Variants in DCAF8L2 observed in about 807,000 individuals in gnomAD.
The protein encoded by DCAF8L2 is DDB1- and CUL4-associated factor 8-like protein 2.
For synonymous variants in DCAF8L2, 200 were observed against 190.9 expected, an observed-to-expected ratio of 1.05 and a Z score of -0.39; for missense variants, 430 against 490.7, an observed-to-expected ratio of 0.88 and a Z score of 1.17.
intron 3 of DCAF8L2, among the ~76,000 whole-genome samples, chrX:27,692,168 G>A (rs1357613371): frequency 8.9e-6 from 1 of 111,827 alleles, no homozygotes; most frequent in Admixed American, 9.5e-5. Flanking sequence ...TTCACTTTAT[G>A]TGTATGAACC....
chrX:27,616,052 C>A (rs1243226802), intron 1 of DCAF8L2, among the ~76,000 whole-genome samples: 1 of 110,806 alleles, frequency 9.0e-6, no homozygotes, highest in African/African-American at 3.3e-5. Context: ...TTTTGTGAAA[C>A]TAAACTGAAT....
rs1158279862 is a variant in DCAF8L2 at position 27,749,272 on chromosome X, T to G, written c.*481T>G. Among the ~76,000 whole-genome samples the G allele has an allele frequency of 8.9e-6, 1 of 111,921 alleles. No homozygotes were observed. Among genetic ancestry groups the G allele is most frequent in the Admixed American group, 9.6e-5 (1 of 10,440 alleles). ...AGAAATGTGTTTCTTCTTTAGAAAA[T>G]AAGACAAACTACAGTTTTGTTCTGT... On this transcript the variant is annotated 3_prime_UTR_variant, in exon 5 of 5. Coordinates refer to ENST00000451261, the MANE Select transcript of DCAF8L2 (RefSeq NM_001353450.2).
At chrX:27,691,181 T>G (rs1046904945) in intron 3 of DCAF8L2, among the ~76,000 whole-genome samples, 370 of 111,800 alleles carry the variant, frequency 3.3e-3, no homozygotes, top group African/African-American at 0.011. Context: ...AGCAATTCAT[T>G]AACATGTGAA....
At chrX:27,471,707 C>T in the DCAF8L2 span, among the ~76,000 whole-genome samples, 72 of 111,441 alleles carry the variant, frequency 6.5e-4, no homozygotes, top group African/African-American at 2.2e-3. Context: ...TCTAGAATTA[C>T]CACATTTAGT....
the DCAF8L2 span, among the ~76,000 whole-genome samples, chrX:27,502,335 A>AAATATAT: frequency 3.1e-4 from 4 of 12,712 alleles, no homozygotes; most frequent in Non-Finnish European, 6.0e-4. Flanking sequence ...AAAAAAAAAA[A>AAATATAT]ATATATATAT....
At chrX:27,480,173 G>A in the DCAF8L2 span, among the ~76,000 whole-genome samples, 4 of 112,269 alleles carry the variant, frequency 3.6e-5, no homozygotes, top group South Asian at 1.5e-3. Context: ...CACATTTATT[G>A]AGGACCATGC....
chrX:27,540,947 G>A, the DCAF8L2 span, among the ~76,000 whole-genome samples: 1 of 111,792 alleles, frequency 8.9e-6, no homozygotes, highest in Non-Finnish European at 1.9e-5. Context: ...GAATATCCAG[G>A]ACTATGGTGA....
chrX:27,664,718 T>C (rs1041739189), intron 2 of DCAF8L2, among the ~76,000 whole-genome samples: 1 of 111,742 alleles, frequency 8.9e-6, no homozygotes, highest in African/African-American at 3.3e-5. Context: ...GCTAAGGCAG[T>C]TGGTGACTTT....
chrX:27,495,430 A>G, the DCAF8L2 span, among the ~76,000 whole-genome samples: 3 of 111,574 alleles, frequency 2.7e-5, no homozygotes, highest in Non-Finnish European at 3.8e-5. Flanking sequence ...CAGCTCTTCC[A>G]TTTCTCTGAA....
the DCAF8L2 span, among the ~76,000 whole-genome samples, chrX:27,486,229 C>T: frequency 9.1e-6 from 1 of 109,601 alleles, no homozygotes; most frequent in Non-Finnish European, 1.9e-5. Flanking sequence ...TGGTCTCAAA[C>T]CTCTGACCTC....
intron 2 of DCAF8L2, among the ~76,000 whole-genome samples, chrX:27,672,148 G>A (rs1404189763): frequency 9.0e-6 from 1 of 111,669 alleles, no homozygotes; most frequent in African/African-American, 3.3e-5. Flanking sequence ...ATATCAAACA[G>A]TGTTTGCTTC....
chrX:27,515,275 G>T, the DCAF8L2 span, among the ~76,000 whole-genome samples: 2,077 of 112,184 alleles, frequency 0.019, 27 homozygotes, highest in Non-Finnish European at 0.025. Flanking sequence ...AATGGTCAAA[G>T]CCTACTGGGA....
chrX:27,631,327 A>G (rs1295430554), intron 1 of DCAF8L2, among the ~76,000 whole-genome samples: 1 of 111,797 alleles, frequency 8.9e-6, no homozygotes, highest in Non-Finnish European at 1.9e-5. Context: ...TTCCTCTAAA[A>G]TCAGGAAGAA....
At chrX:27,572,854 A>G in the DCAF8L2 span, among the ~76,000 whole-genome samples, 1 of 111,437 alleles carries the variant, frequency 9.0e-6, no homozygotes, top group African/African-American at 3.3e-5. Flanking sequence ...TTCTGAAAAA[A>G]TTTTGTGAGT....
At chrX:27,597,732 A>T (rs756412368) in intron 1 of DCAF8L2, among the ~76,000 whole-genome samples, 15 of 112,287 alleles carry the variant, frequency 1.3e-4, no homozygotes, top group South Asian at 3.6e-4. Flanking sequence ...ATTCTGCAAT[A>T]TATCACTGTG....
chrX:27,641,910 A>G (rs1265023411), intron 2 of DCAF8L2, among the ~76,000 whole-genome samples: 2 of 107,830 alleles, frequency 1.9e-5, no homozygotes, highest in Non-Finnish European at 3.8e-5. Flanking sequence ...TTTTTTTGAG[A>G]TGGAGTCTCG....
intron 2 of DCAF8L2, among the ~76,000 whole-genome samples, chrX:27,665,447 A>T (rs958238652): frequency 8.9e-6 from 1 of 111,856 alleles, no homozygotes; most frequent in Non-Finnish European, 1.9e-5. Flanking sequence ...TTGAGATGGA[A>T]TCTATTCCTG....
chrX:27,692,988 C>T (rs959310020), intron 3 of DCAF8L2, among the ~76,000 whole-genome samples: 1 of 111,261 alleles, frequency 9.0e-6, no homozygotes, highest in Non-Finnish European at 1.9e-5. Flanking sequence ...AAAGAGACTT[C>T]GATATTTTGT....
At chrX:27,598,789 C>G (rs995483429) in intron 1 of DCAF8L2, among the ~76,000 whole-genome samples, 1 of 109,755 alleles carries the variant, frequency 9.1e-6, no homozygotes, top group Non-Finnish European at 1.9e-5. Context: ...CTGATTTATC[C>G]TGCAACAACA....
Sources: gnomAD v4.1 joint callset for allele counts (sites outside exome capture counted in the v4.1 genomes callset) on GRCh38, gnomAD v4.1.1 for gene constraint, MANE v1.5 for transcripts, NCBI Gene and HGNC (gene_info 2026-07-23, HGNC 2026-07-21) for gene names.